The following KANK2 variants were observed in gnomAD, a reference collection of about 807,000 sequenced individuals.
KANK2 encodes the protein KN motif and ankyrin repeat domain-containing protein 2.
A neutral mutation model predicts 74.6 loss-of-function variants in KANK2; 41 were observed. That is an observed-to-expected ratio of 0.55 (90% CI 0.43 to 0.71). The LOEUF is 0.71. Ranked by LOEUF, KANK2 falls within the 30% of genes least tolerant of loss-of-function variation. The pLI is 0.00. For missense variants in KANK2, 1,148 were observed against 1,196.4 expected (o/e 0.96, Z 0.60); for synonymous variants, 537 against 519.0 (o/e 1.03, Z -0.47).
chr19:11,170,009 C>T lies in KANK2; in HGVS notation c.2412+39G>A, dbSNP rs1261020968. ...CTATGAATGACGTCCCCATGCTGTG[C>T]TCCCGCCCTCCCCGGGGTGCACCTG... On this transcript the variant is annotated intron_variant, in intron 11 of 12. Transcript: ENST00000586659. The surrounding 1 kb of genome is among the most constrained non-coding windows in gnomAD (Gnocchi z 5.2). The T allele has an allele frequency of 6.2e-7, 1 of 1,611,970 alleles. No individual in the cohort carries two copies. Among genetic ancestry groups the T allele is most frequent in the African/African-American group, 1.3e-5 (1 of 74,914 alleles).
At chr19:11,183,316 G>A (rs2078582516) in intron 4 of KANK2, among the ~76,000 whole-genome samples, 1 of 152,242 alleles carries the variant, frequency 6.6e-6, no homozygotes, top group African/African-American at 2.4e-5. Flanking sequence ...GGATTCTGTG[G>A]TGTGGTTTTA....
At chr19:11,172,414 T>G (rs1289089641) in intron 10 of KANK2, among the ~76,000 whole-genome samples, 1 of 152,224 alleles carries the variant, frequency 6.6e-6, no homozygotes, top group Non-Finnish European at 1.5e-5. Context: ...TTCAGACTGT[T>G]GACGATCCCT....
chr19:11,183,543 C>T (rs2078589060), intron 4 of KANK2, among the ~76,000 whole-genome samples: 1 of 152,222 alleles, frequency 6.6e-6, no homozygotes, highest in Admixed American at 6.5e-5. Flanking sequence ...GGCTGGAGCG[C>T]AGTGGCGTGA....
chr19:11,186,882 A>G (rs12984184), intron 4 of KANK2, among the ~76,000 whole-genome samples: 10,039 of 152,118 alleles, frequency 0.066, 385 homozygotes, highest in Admixed American at 0.09. Context: ...AGTCCCACAG[A>G]AGGGGTCGTG....
intron 12 of KANK2, among the ~76,000 whole-genome samples, chr19:11,167,545 T>A (rs74828890): frequency 6.7e-6 from 1 of 149,724 alleles, no homozygotes; most frequent in African/African-American, 2.5e-5. Flanking sequence ...TTTTTTTTTT[T>A]GAGGCGGAAT....
chr19:11,176,191 C>T (rs765504597), intron 7 of KANK2, among the ~76,000 whole-genome samples: 9 of 152,162 alleles, frequency 5.9e-5, no homozygotes, highest in Non-Finnish European at 1.2e-4. Flanking sequence ...GGAGAGTGGA[C>T]ACACAAGCCA....
rs1157518878 is a variant in KANK2 at position 11,164,562 on chromosome 19, G to C, written c.*1996C>G. 6.6e-6 allele frequency: 1 copy of C among 152,160 alleles called. No homozygotes were observed. Among genetic ancestry groups the C allele is most frequent in the Admixed American group, 6.6e-5 (1 of 15,262 alleles). The allele number at this position is 152,160 out of a possible 1,614,324, so 9.4% of individuals were successfully genotyped here. ...AATAAATGCACTGGCTGGCTCCAGG[G>C]CTGGACACACAGGCACAGAACTCTT... On this transcript the variant is annotated 3_prime_UTR_variant, in exon 13 of 13. Transcript: ENST00000586659.
intron 2 of KANK2, among the ~76,000 whole-genome samples, chr19:11,195,384 C>G (rs1021651428): frequency 6.6e-6 from 1 of 152,082 alleles, no homozygotes; most frequent in Non-Finnish European, 1.5e-5. Context: ...TCACTAAACC[C>G]CCCTCAGCCT....
chr19:11,170,164 T>C lies in KANK2; in HGVS notation c.2296A>G (p.Asn766Asp). 1 of 1,612,286 alleles carries C rather than the reference T, an allele frequency of 6.2e-7. No individual in the cohort carries two copies. Among genetic ancestry groups the C allele is most frequent in the African/African-American group, 1.3e-5 (1 of 75,058 alleles). Residue 766 changes from asparagine (N) to aspartate (D), a missense_variant, in exon 11 of 13, where the codon AAC becomes GAC. By Grantham distance (23) the Asn-to-Asp change is conservative. Coordinates refer to ENST00000586659, the MANE Select transcript of KANK2 (RefSeq NM_001136191.3). The surrounding 1 kb of genome is among the most constrained non-coding windows in gnomAD (Gnocchi z 5.2). ...KALLACEADV[N>D]VQDDDGSTAL... ...GTGGAGCCGTCATCATCTTGCACGTTGACATCTGCCTCACAGGCCAGCAGG... is the reference window on the plus strand; with the variant it reads ...GTGGAGCCGTCATCATCTTGCACGTCGACATCTGCCTCACAGGCCAGCAGG...
chr19:11,197,465 C>G lies in KANK2; in HGVS notation c.-279+20G>C, dbSNP rs1176546390. On this transcript the variant is annotated intron_variant, in intron 1 of 12. Transcript: ENST00000586659. ...CCCGAACCAGACTTGAACCCCTACC[C>G]AGCCCCGGGTCCCACTCGCCTTGCG... is the stretch of plus-strand genomic sequence containing the variant. The G allele has an allele frequency of 2.0e-5, 3 of 152,050 alleles. No individual in the cohort carries two copies. Among genetic ancestry groups the G allele is most frequent in the African/African-American group, 7.2e-5 (3 of 41,406 alleles). The allele number at this position is 152,050 out of a possible 1,614,324, so 9.4% of individuals were successfully genotyped here.
chr19:11,170,966 C>T lies in KANK2; in HGVS notation c.2212-718G>A, dbSNP rs1408585788. ...CCTCCTGAGTAGCTGAGATTACAGGCGTGTGCCACTACGCCCAGCTAATTT... is the reference window on the plus strand; with the variant it reads ...CCTCCTGAGTAGCTGAGATTACAGGTGTGTGCCACTACGCCCAGCTAATTT... On this transcript the variant is annotated intron_variant, in intron 10 of 12. Transcript: ENST00000586659. The surrounding 1 kb of genome is among the most constrained non-coding windows in gnomAD (Gnocchi z 5.2). 3.3e-5 allele frequency among the ~76,000 whole-genome samples: 5 copies of T among 152,170 alleles called. No homozygotes were observed. Among genetic ancestry groups the T allele is most frequent in the East Asian group, 1.9e-4 (1 of 5,190 alleles).
rs1056642117 is a variant in KANK2, at chr19:11,176,700, C to T, written c.1638G>A (p.Gln546=). The change falls in exon 7 of 13, where the codon CAG becomes CAA. Residue 546 remains glutamine, a synonymous_variant. Transcript: ENST00000586659. ...CCGCTGCCGTCCCTGCAGGCCTGAG[C>T]TGGGGGGCTTCGGCCACACTCGGAA... ...ERVPSVAEAP[Q]LRPAGTAAAK... 47 of 1,612,956 alleles carry T rather than the reference C, an allele frequency of 2.9e-5. No individual in the cohort carries two copies. The highest frequency in any genetic ancestry group is 3.8e-5 in the Non-Finnish European group (45 of 1,179,662).
At chr19:11,181,658 G>C (rs1457208001) in intron 4 of KANK2, among the ~76,000 whole-genome samples, 1 of 152,056 alleles carries the variant, frequency 6.6e-6, no homozygotes, top group Non-Finnish European at 1.5e-5. Flanking sequence ...GGAAAGATGA[G>C]AAAGTTCTAA....
At position 11,192,916 on chromosome 19, in the gene KANK2, C is replaced by T; in HGVS notation, c.1164G>A (p.Met388Ile). 1.2e-6 allele frequency: 2 copies of T among 1,614,182 alleles called. No homozygotes were observed. The highest frequency in any genetic ancestry group is 1.7e-6 in the Non-Finnish European group (2 of 1,180,018). Residue 388 changes from methionine to isoleucine, a missense_variant, in exon 4 of 13, where the codon ATG (methionine) becomes ATA (isoleucine). Transcript: ENST00000586659. Reference protein sequence around the residue: ...VFRSQEVVETMCPVPAAATSN... With the variant: ...VFRSQEVVETICPVPAAATSN... The stretch of plus-strand genomic sequence containing the variant: ...TGGTAGCTGCAGCGGGCACTGGGCA[C>T]ATTGTCTCCACCACCTCCTGGCTGC...
intron 9 of KANK2, among the ~76,000 whole-genome samples, chr19:11,173,455 G>C (rs2078236170): frequency 1.3e-5 from 2 of 152,128 alleles, no homozygotes; most frequent in Non-Finnish European, 2.9e-5. Flanking sequence ...TGGGCCCTGA[G>C]TCCTTCATCA....
In KANK2 at chr19:11,168,954, C is replaced by A. The variant is rs574512582; in HGVS notation, c.2502+923G>T. ...CAGTGGCTGACCCCTGTAATCCCAG[C>A]GCTTTCAGAGGCAGAAGAGGAAGCA... On this transcript the variant is annotated intron_variant, in intron 12 of 12. Transcript: ENST00000586659. Among the ~76,000 whole-genome samples the A allele has an allele frequency of 1.2e-4, 18 of 152,332 alleles. No individual in the cohort carries two copies. In the South Asian group the frequency reaches 3.5e-3, roughly 30 times the overall value.
In KANK2 at chr19:11,176,668, G is replaced by C. The variant is rs529121858; in HGVS notation, c.1670C>G (p.Thr557Ser). ...AGACAGCTGACACTCCTGCCGGCTG[G>C]TCTTGGCCGCTGCCGTCCCTGCAGG... ...LRPAGTAAAK[T>S]SRQECQLSRE... is the part of the protein sequence containing the mutation. Residue 557 changes from threonine to serine, a missense_variant, in exon 7 of 13, where the codon ACC becomes AGC. Physicochemically the swap from Thr to Ser is moderately conservative, Grantham distance 58 (BLOSUM62 1). Coordinates refer to ENST00000586659, the MANE Select transcript of KANK2 (RefSeq NM_001136191.3). 577 of 1,613,702 alleles carry C rather than the reference G, an allele frequency of 3.6e-4. 7 individuals are homozygous for C. The South Asian group carries it at 6.1e-3, about 17-fold the overall frequency.
At chr19:11,172,476 A>G (rs2078205440) in intron 10 of KANK2, among the ~76,000 whole-genome samples, 1 of 151,936 alleles carries the variant, frequency 6.6e-6, no homozygotes, top group Non-Finnish European at 1.5e-5. Context: ...TTTTGCCCAG[A>G]CACCTGTTCA....
chr19:11,186,811 C>A (rs1026885199), intron 4 of KANK2, among the ~76,000 whole-genome samples: 1 of 152,294 alleles, frequency 6.6e-6, no homozygotes, highest in Non-Finnish European at 1.5e-5. Flanking sequence ...ATAGGGACAG[C>A]CTTTTTTGGA....
Sources: allele counts gnomAD v4.1 joint callset (sites outside exome capture counted in the v4.1 genomes callset), GRCh38; gene constraint gnomAD v4.1.1; non-coding constraint Gnocchi (gnomAD v3.1); transcripts MANE v1.5; gene names NCBI Gene and HGNC (gene_info 2026-07-23, HGNC 2026-07-21).